Variants in MAP1LC3B2 observed in about 807,000 individuals in gnomAD.
The protein encoded by MAP1LC3B2 is microtubule associated protein 1 light chain 3 beta 2.
For synonymous variants in MAP1LC3B2, 62 were observed against 57.8 expected (o/e 1.07, Z -0.33); for missense variants, 155 against 154.6 (o/e 1.00, Z -0.01).
Position 116,575,180 on chromosome 12 carries a change from CAAAA to C in MAP1LC3B2, c.-101-649_-101-646del, listed in dbSNP as rs112848522. Among the ~76,000 whole-genome samples the C allele has an allele frequency of 1.0e-4, 6 of 58,972 alleles. 1 individual carries two copies. Among genetic ancestry groups the C allele is most frequent in the Non-Finnish European group, 1.6e-4 (4 of 25,538 alleles). 38.7% of individuals were successfully genotyped at this position (58,972 alleles called of 152,430 possible). On this transcript the variant is annotated intron_variant, in intron 1 of 1. Coordinates refer to ENST00000556529, the MANE Select transcript of MAP1LC3B2 (RefSeq NM_001085481.3). ...GGGCAACAACAGCGAAACTCAGTCT[CAAAA>C]AAAAAAAAAAAAGCAAGCAAATATT...
intron 1 of MAP1LC3B2, among the ~76,000 whole-genome samples, chr12:116,567,512 CCGACGTGGGTGGATCACT>C (rs2136961135): frequency 6.9e-6 from 1 of 144,796 alleles, no homozygotes; most frequent in East Asian, 2.0e-4. Context: ...CTTTGGGAGG[CCGACGTGGGTGGATCACT>C]TGAGGTCAGG....
chr12:116,560,870 A>G (rs1592865038), intron 1 of MAP1LC3B2, among the ~76,000 whole-genome samples: 1 of 150,244 alleles, frequency 6.7e-6, no homozygotes, highest in South Asian at 2.1e-4. Flanking sequence ...TAATCCCAGC[A>G]CCTTGGGAGT....
At chr12:116,561,442 G>A (rs1272225914) in intron 1 of MAP1LC3B2, among the ~76,000 whole-genome samples, 2 of 152,126 alleles carry the variant, frequency 1.3e-5, no homozygotes, top group Non-Finnish European at 2.9e-5. Context: ...CTGTTTACCA[G>A]GTCCTCCCCT....
chr12:116,560,624 T>C (rs1228496357), intron 1 of MAP1LC3B2, among the ~76,000 whole-genome samples: 1 of 152,052 alleles, frequency 6.6e-6, no homozygotes, highest in African/African-American at 2.4e-5. Context: ...ATGTCCACAG[T>C]CTAATGTGCT....
chr12:116,560,473 C>G (rs989944282), intron 1 of MAP1LC3B2, among the ~76,000 whole-genome samples: 1 of 151,956 alleles, frequency 6.6e-6, no homozygotes, highest in Non-Finnish European at 1.5e-5. Flanking sequence ...TCTCGAACTC[C>G]TGACCTCAAG....
intron 1 of MAP1LC3B2, chr12:116,560,195 T>TATATAC (rs1869219707): frequency 2.9e-4 from 1 of 3,394 alleles, no homozygotes; most frequent in African/African-American, 6.1e-4. Flanking sequence ...TGGCTATATA[T>TATATAC]ATATATATAT....
chr12:116,566,929 TCAAAAAAAAAAAAAAAAAAA>T (rs1869401445), intron 1 of MAP1LC3B2, among the ~76,000 whole-genome samples: 1 of 18,320 alleles, frequency 5.5e-5, no homozygotes, highest in Non-Finnish European at 1.3e-4. Context: ...AGACTCTGTC[TCAAAAAAAAAAAAAAAAAAA>T]AAAAAAAAAA....
chr12:116,572,131 T>G lies in MAP1LC3B2; in HGVS notation c.-101-3711T>G, dbSNP rs1286524930. 3.3e-5 allele frequency among the ~76,000 whole-genome samples: 5 copies of G among 152,182 alleles called. 1 individual carries two copies. Among genetic ancestry groups the G allele is most frequent in the Admixed American group, 2.0e-4 (3 of 15,284 alleles). Reference sequence around the variant, plus strand: ...AAGACCTTTAGATTATCCATAACCTTGATCATAAAATGATCGACACTTGCT... The same window carrying G: ...AAGACCTTTAGATTATCCATAACCTGGATCATAAAATGATCGACACTTGCT... On this transcript the variant is annotated intron_variant, in intron 1 of 1. Coordinates refer to ENST00000556529, the MANE Select transcript of MAP1LC3B2 (RefSeq NM_001085481.3).
In MAP1LC3B2 at chr12:116,576,218, C is replaced by T. The variant is rs1468506752; in HGVS notation, c.276C>T (p.Ser92=). The T allele has an allele frequency of 6.2e-7, 1 of 1,614,090 alleles. No homozygotes were observed. The highest frequency in any genetic ancestry group is 8.5e-7 in the Non-Finnish European group (1 of 1,179,986). ...LVNGHSMVSV[S]TPISEVYESE... The stretch of plus-strand genomic sequence containing the variant: ...ACGGACACAGCATGGTCAGCGTCTC[C>T]ACACCAATCTCAGAGGTGTATGAGA... Residue 92 remains serine (S), a synonymous_variant, in exon 2 of 2, where the codon TCC becomes TCT. Transcript: ENST00000556529.
At position 116,573,498 on chromosome 12, in the gene MAP1LC3B2, G is replaced by A. The variant is rs75757917; in HGVS notation, c.-101-2344G>A. 1.0e-3 allele frequency among the ~76,000 whole-genome samples: 153 copies of A among 152,106 alleles called. 1 individual carries two copies. The highest frequency in any genetic ancestry group is 3.4e-3 in the Middle Eastern group (1 of 294). Reference sequence around the variant, plus strand: ...ATATAATTCATAAAGGATTAATATCGTCTTCCTTTTTCTTTTTCTTTTTCT... The same window carrying A: ...ATATAATTCATAAAGGATTAATATCATCTTCCTTTTTCTTTTTCTTTTTCT... On this transcript the variant is annotated intron_variant, in intron 1 of 1. Transcript: ENST00000556529.
intron 1 of MAP1LC3B2, among the ~76,000 whole-genome samples, chr12:116,572,643 C>T (rs1381130651): frequency 1.3e-5 from 2 of 151,716 alleles, no homozygotes; most frequent in Non-Finnish European, 1.5e-5. Flanking sequence ...GGATTACAGG[C>T]GTGAGCCACG....
At chr12:116,569,589 A>G (rs1869477211) in intron 1 of MAP1LC3B2, among the ~76,000 whole-genome samples, 1 of 152,160 alleles carries the variant, frequency 6.6e-6, no homozygotes, top group South Asian at 2.1e-4. Context: ...TGTATTTAAT[A>G]TATGCTAGTT....
intron 1 of MAP1LC3B2, among the ~76,000 whole-genome samples, chr12:116,575,473 G>A (rs1031265539): frequency 6.6e-6 from 1 of 152,080 alleles, no homozygotes; most frequent in Non-Finnish European, 1.5e-5. Flanking sequence ...AGAATTAGGG[G>A]TAAAAATTCA....
intron 1 of MAP1LC3B2, among the ~76,000 whole-genome samples, chr12:116,565,605 T>C (rs1869367348): frequency 6.6e-6 from 1 of 152,268 alleles, no homozygotes; most frequent in African/African-American, 2.4e-5. Flanking sequence ...AAACAGTCTC[T>C]TCAGGACATA....
intron 1 of MAP1LC3B2, among the ~76,000 whole-genome samples, chr12:116,565,817 G>A (rs1869371029): frequency 6.6e-6 from 1 of 152,212 alleles, no homozygotes; most frequent in Non-Finnish European, 1.5e-5. Context: ...CCTTCCAGAA[G>A]CAAGGAGATT....
intron 1 of MAP1LC3B2, among the ~76,000 whole-genome samples, chr12:116,562,178 G>A (rs1869289316): frequency 6.6e-6 from 1 of 152,170 alleles, no homozygotes. Flanking sequence ...TGCTACCTAG[G>A]GAGAGGCTGC....
intron 1 of MAP1LC3B2, among the ~76,000 whole-genome samples, chr12:116,571,852 C>T (rs1869544149): frequency 6.6e-6 from 1 of 150,748 alleles, no homozygotes; most frequent in South Asian, 2.1e-4. Flanking sequence ...AGGAGAGAAA[C>T]AAAGTAATGT....
At chr12:116,564,748 T>C (rs533849772) in intron 1 of MAP1LC3B2, among the ~76,000 whole-genome samples, 1 of 152,318 alleles carries the variant, frequency 6.6e-6, no homozygotes, top group East Asian at 1.9e-4. Flanking sequence ...GCCTGGGACT[T>C]TGCGTCACAA....
intron 1 of MAP1LC3B2, among the ~76,000 whole-genome samples, chr12:116,570,637 C>G (rs554405237): frequency 6.6e-6 from 1 of 152,188 alleles, no homozygotes; most frequent in Non-Finnish European, 1.5e-5. Flanking sequence ...CTCTCATTCT[C>G]TCTTGCCTGC....
Sources: allele counts gnomAD v4.1 joint callset (sites outside exome capture counted in the v4.1 genomes callset), GRCh38; gene constraint gnomAD v4.1.1; transcripts MANE v1.5; gene names NCBI Gene and HGNC (gene_info 2026-07-23, HGNC 2026-07-21).